Variants in PTPRD observed in about 807,000 individuals in gnomAD.
PTPRD encodes protein tyrosine phosphatase receptor type D, also known as receptor-type tyrosine-protein phosphatase delta.
A neutral mutation model predicts 214.5 loss-of-function variants in PTPRD; 34 were observed. That is an observed-to-expected ratio of 0.16 (90% CI 0.12 to 0.21). The LOEUF (loss-of-function observed/expected upper bound fraction) is 0.21, where lower values mean the gene tolerates loss of function less well. PTPRD is among the 10% of genes least tolerant of loss of function. The probability of loss-of-function intolerance (pLI) is 1.00; values close to 1 mark genes in which losing one functional copy is unlikely to be tolerated. For synonymous variants in PTPRD, 1,128 were observed against 845.7 expected (o/e 1.33, Z -5.79); for missense variants, 2,545 against 2,398.7 (o/e 1.06, Z -1.27).
intron 3 of PTPRD, among the ~76,000 whole-genome samples, chr9:10,322,214 T>A (rs923769145): frequency 2.5e-4 from 38 of 152,048 alleles, no homozygotes; most frequent in African/African-American, 9.2e-4. Context: ...GTCAGTTTAA[T>A]GCATGACAGA....
chr9:8,501,782 G>C (rs1024466847), intron 23 of PTPRD, among the ~76,000 whole-genome samples: 45 of 152,128 alleles, frequency 3.0e-4, no homozygotes, highest in Non-Finnish European at 3.8e-4. Flanking sequence ...GTAATGTCAG[G>C]ATTGTTGATT....
chr9:8,467,056 T>C (rs2096558910), intron 31 of PTPRD, among the ~76,000 whole-genome samples: 1 of 151,916 alleles, frequency 6.6e-6, no homozygotes, highest in African/African-American at 2.4e-5. Context: ...ATCCTAAAAA[T>C]GTAAAAAACC....
chr9:10,448,025 G>A (rs947673241), intron 2 of PTPRD, among the ~76,000 whole-genome samples: 4 of 151,926 alleles, frequency 2.6e-5, no homozygotes, highest in African/African-American at 7.3e-5. Flanking sequence ...TATAATGTGT[G>A]TAGCTATAAG....
chr9:8,374,653 C>T (rs2082683761), intron 39 of PTPRD, among the ~76,000 whole-genome samples: 1 of 151,952 alleles, frequency 6.6e-6, no homozygotes, highest in Non-Finnish European at 1.5e-5. Flanking sequence ...ATTCTCTTAA[C>T]CCAACATACT....
chr9:8,446,846 GAGA>G (rs1362197567), intron 34 of PTPRD, among the ~76,000 whole-genome samples: 6 of 152,178 alleles, frequency 3.9e-5, no homozygotes, highest in Admixed American at 6.5e-5. Context: ...TGAAAAAGAG[GAGA>G]AGAACAACCA....
intron 2 of PTPRD, among the ~76,000 whole-genome samples, chr9:10,387,796 T>A (rs2097950502): frequency 7.1e-6 from 1 of 140,822 alleles, no homozygotes; most frequent in Non-Finnish European, 1.5e-5. Context: ...TTGAATACGA[T>A]TTAAAAAAAA....
At chr9:9,131,157 C>A (rs868612580) in intron 10 of PTPRD, among the ~76,000 whole-genome samples, 17 of 152,224 alleles carry the variant, frequency 1.1e-4, no homozygotes, top group African/African-American at 4.1e-4. Context: ...AGGGCAAACT[C>A]CAAAAATACT....
chr9:8,389,130 T>C (rs755054252), intron 37 of PTPRD, 102 bp downstream of exon 37: 94 of 1,007,028 alleles, frequency 9.3e-5, no homozygotes, highest in Non-Finnish European at 1.2e-4. Context: ...GTTAGAAAGA[T>C]AAGCCTTAGG....
intron 7 of PTPRD, among the ~76,000 whole-genome samples, chr9:9,621,352 T>C (rs2095228813): frequency 6.6e-6 from 1 of 152,198 alleles, no homozygotes; most frequent in African/African-American, 2.4e-5. Context: ...AAACTGCCAA[T>C]GACTTTCCAC....
At chr9:10,464,365 G>C (rs189835313) in intron 2 of PTPRD, among the ~76,000 whole-genome samples, 1 of 151,568 alleles carries the variant, frequency 6.6e-6, no homozygotes, top group African/African-American at 2.4e-5. Flanking sequence ...GAGCGATGGA[G>C]TGAGACACCA....
chr9:9,969,784 T>C (rs1427165664), intron 4 of PTPRD, among the ~76,000 whole-genome samples: 1 of 152,326 alleles, frequency 6.6e-6, no homozygotes, highest in Non-Finnish European at 1.5e-5. Flanking sequence ...AACTTTGCAA[T>C]AGCAAAAGAT....
chr9:8,962,847 T>C (rs558992213), intron 11 of PTPRD: 8 of 152,182 alleles, frequency 5.3e-5, no homozygotes, highest in Admixed American at 5.2e-4. Context: ...TACAGGCATT[T>C]CTTGAAAACA....
chr9:9,188,285 A>C (rs893510015), intron 9 of PTPRD, among the ~76,000 whole-genome samples: 1 of 152,092 alleles, frequency 6.6e-6, no homozygotes, highest in Non-Finnish European at 1.5e-5. Flanking sequence ...TTGCTGATGG[A>C]CATTGGGTAA....
intron 5 of PTPRD, among the ~76,000 whole-genome samples, chr9:9,797,325 A>T: frequency 6.7e-6 from 1 of 150,004 alleles, no homozygotes; most frequent in Non-Finnish European, 1.5e-5. Flanking sequence ...TAAAAAAATT[A>T]AATTATTTTA....
chr9:8,889,874 G>T lies in PTPRD; in HGVS notation c.-104+128823C>A, dbSNP rs567501560. 3.9e-5 allele frequency among the ~76,000 whole-genome samples: 6 copies of T among 152,202 alleles called. No individual in the cohort carries two copies. In the South Asian group the frequency reaches 8.3e-4, roughly 21 times the overall value. On this transcript the variant is annotated intron_variant, in intron 11 of 45. Transcript: ENST00000381196. Reference sequence around the variant, plus strand: ...CCACTTGTTGGTTGATAGGCATTTGGGTTGGTTCCATATTTTTGCAATTGC... The same window carrying T: ...CCACTTGTTGGTTGATAGGCATTTGTGTTGGTTCCATATTTTTGCAATTGC...
chr9:8,725,609 GA>G (rs540663627), intron 12 of PTPRD, among the ~76,000 whole-genome samples: 1 of 151,970 alleles, frequency 6.6e-6, no homozygotes, highest in South Asian at 2.1e-4. Context: ...AAACTAATGA[GA>G]AAAAAAGGCA....
intron 12 of PTPRD, among the ~76,000 whole-genome samples, chr9:8,716,663 A>C (rs1199748867): frequency 1.5e-5 from 2 of 134,774 alleles, no homozygotes; most frequent in East Asian, 3.9e-4. Flanking sequence ...CCTAGACTTT[A>C]AGCTGCACTA....
chr9:10,065,567 T>C (rs1339544422), intron 3 of PTPRD, among the ~76,000 whole-genome samples: 1 of 151,974 alleles, frequency 6.6e-6, no homozygotes, highest in African/African-American at 2.4e-5. Flanking sequence ...TTTGGTCTGA[T>C]ACATTTGTGT....
At chr9:9,426,446 A>T (rs1188710035) in intron 8 of PTPRD, among the ~76,000 whole-genome samples, 1 of 152,204 alleles carries the variant, frequency 6.6e-6, no homozygotes, top group East Asian at 1.9e-4. Context: ...CAGCTCAAGG[A>T]GGCCTGCCTG....
Sources: gnomAD v4.1 joint callset for allele counts (sites outside exome capture counted in the v4.1 genomes callset) on GRCh38, gnomAD v4.1.1 for gene constraint, MANE v1.5 for transcripts, NCBI Gene and HGNC (gene_info 2026-07-23, HGNC 2026-07-21) for gene names.